Variants in PACS2 observed in about 807,000 individuals in gnomAD.
PACS2 encodes phosphofurin acidic cluster sorting protein 2, also known as PACS1-like protein.
A neutral mutation model predicts 113.0 loss-of-function variants in PACS2; 36 were observed. The ratio of observed to expected loss-of-function variants is 0.32; its 90% CI spans 0.24 to 0.42. The LOEUF is 0.42. Ranked by LOEUF, PACS2 falls within the 10% of genes least tolerant of loss-of-function variation. PACS2 has a pLI of 1.00. For synonymous variants in PACS2, 589 were observed against 536.1 expected, an observed-to-expected ratio of 1.10 and a Z score of -1.36; for missense variants, 1,015 against 1,239.5, an observed-to-expected ratio of 0.82 and a Z score of 2.72.
At chr14:105,379,972 C>A in intron 10 of PACS2, 108 bp from the exon 11 acceptor site, 2 of 1,303,716 alleles carry the variant, frequency 1.5e-6, no homozygotes, top group South Asian at 2.5e-5. Flanking sequence ...CAGCACACTG[C>A]CACGCAGGTA....
At position 105,396,537 on chromosome 14, in the gene PACS2, G is replaced by C. The variant is rs1253965899; in HGVS notation, c.*1865G>C. 1.6e-5 allele frequency: 2 copies of C among 123,566 alleles called. No homozygotes were observed. Among genetic ancestry groups the C allele is most frequent in the African/African-American group, 6.5e-5 (2 of 30,790 alleles). 7.7% of individuals were successfully genotyped at this position (123,566 alleles called of 1,614,324 possible). On this transcript the variant is annotated 3_prime_UTR_variant, in exon 25 of 25. Transcript: ENST00000447393. ...TTTTTTTGAGATGGAGTCTTGCTCT[G>C]TTGCCCAGGCTGGAGTGCAGTGGCA...
upstream of PACS2, among the ~76,000 whole-genome samples, chr14:105,309,776 CTTT>C (rs928875653): frequency 0.014 from 1,209 of 89,166 alleles, 29 homozygotes; most frequent in African/African-American, 0.06. This position sits in a 1 kb window ranked among gnomAD's most constrained non-coding sequence, Gnocchi z 4.0. Flanking sequence ...TGATGTGTGT[CTTT>C]TTTTTTTTTT....
chr14:105,384,371 G>T lies in PACS2; in HGVS notation c.1799G>T (p.Arg600Met). ...VIPLGSHPVA[R>M]YLGSVDYRYN... Reference sequence around the variant, plus strand: ...CATGCAGGCTCCCACCCCGTGGCCAGGTACCTAGGCTCCGTGGACTACCGC... The same window carrying T: ...CATGCAGGCTCCCACCCCGTGGCCATGTACCTAGGCTCCGTGGACTACCGC... The change falls in exon 17 of 25, where the codon AGG (arginine) becomes ATG (methionine). Residue 600 changes from arginine to methionine, a missense_variant. By Grantham distance (91) the Arg-to-Met change is moderately conservative (BLOSUM62 -1). Around this residue, in one of 3 missense-constraint regions of PACS2, gnomAD observed 859 missense variants for 1,056.8 expected, o/e 0.81. Coordinates refer to ENST00000447393, the MANE Select transcript of PACS2 (RefSeq NM_001100913.3). 6.2e-7 allele frequency: 1 copy of T among 1,611,070 alleles called. No individual in the cohort carries two copies.
chr14:105,353,374 GC>G (rs1316513343), intron 3 of PACS2, among the ~76,000 whole-genome samples: 57 of 132,458 alleles, frequency 4.3e-4, no homozygotes, highest in African/African-American at 1.7e-3. Context: ...TGGGGTGATG[GC>G]CCCCCCTCAT....
At position 105,370,294 on chromosome 14, in the gene PACS2, TG is replaced by T. The variant is rs587773556; in HGVS notation, c.801+397del. 175 of 73,710 alleles carry T rather than the reference TG, an allele frequency of 2.4e-3. 3 individuals are homozygous for T. Among genetic ancestry groups the T allele is most frequent in the East Asian group, 0.022 (52 of 2,404 alleles). The allele number at this position is 73,710 out of a possible 1,614,324, so 4.6% of individuals were successfully genotyped here. A position where few individuals can be genotyped will look rare whatever the true frequency, so the allele number is the denominator to read the frequency against. ...ACCTGACAGCCCCCCACTATTGACA[TG>T]GGCCCCCCCTCCCCACCTGACAGCC... On this transcript the variant is annotated intron_variant, in intron 8 of 24. Transcript: ENST00000447393.
chr14:105,348,482 T>A lies in PACS2; in HGVS notation c.120-11T>A. On this transcript the variant is annotated splice_polypyrimidine_tract_variant and intron_variant, in intron 1 of 24. Transcript: ENST00000447393. This position sits in a 1 kb window ranked among gnomAD's most constrained non-coding sequence, Gnocchi z 6.4. ...CGGAGCCCCGAGGCTGAGCTGTGCCTTGCCTCACAGGTTGTGCAGCCTGAC... is the reference window on the plus strand; with the variant it reads ...CGGAGCCCCGAGGCTGAGCTGTGCCATGCCTCACAGGTTGTGCAGCCTGAC... 1 of 1,603,004 alleles carries A rather than the reference T, an allele frequency of 6.2e-7. No individual in the cohort carries two copies. The highest frequency in any genetic ancestry group is 8.5e-7 in the Non-Finnish European group (1 of 1,171,914).
intron 5 of PACS2, 82 bp downstream of exon 5, chr14:105,367,457 T>TGGCTTAAG: frequency 2.4e-5 from 34 of 1,406,890 alleles, no homozygotes; most frequent in Non-Finnish European, 3.4e-5. Flanking sequence ...TGGCAGAAAC[T>TGGCTTAAG]GTCCAGCCTG....
intron 7 of PACS2, among the ~76,000 whole-genome samples, chr14:105,368,808 C>T (rs2061045603): frequency 6.6e-6 from 1 of 152,260 alleles, no homozygotes; most frequent in Admixed American, 6.5e-5. Context: ...CTGCCAGGCT[C>T]ACTCCATGTG....
intron 1 of PACS2, among the ~76,000 whole-genome samples, chr14:105,306,130 C>A (rs1290192081): frequency 6.6e-6 from 1 of 152,168 alleles, no homozygotes; most frequent in Non-Finnish European, 1.5e-5. Flanking sequence ...CTGAACTGAA[C>A]GTGCTCGTAA....
chr14:105,369,754 GGGTGC>G (rs1205184147), intron 7 of PACS2, 82 bp from the exon 8 acceptor site: 16 of 1,191,588 alleles, frequency 1.3e-5, no homozygotes, highest in Non-Finnish European at 1.9e-5. Context: ...CGGCGGGCCT[GGGTGC>G]GGCCTGGGCC....
intron 18 of PACS2, among the ~76,000 whole-genome samples, chr14:105,385,390 G>A (rs1028392717): frequency 5.3e-5 from 8 of 152,180 alleles, no homozygotes; most frequent in South Asian, 2.1e-4. Context: ...TGATCAGCTC[G>A]TGTCCTCACC....
At chr14:105,388,266 C>T (rs933082369) in intron 19 of PACS2, among the ~76,000 whole-genome samples, 3 of 152,244 alleles carry the variant, frequency 2.0e-5, no homozygotes, top group African/African-American at 4.8e-5. Context: ...TGCCAGCCGC[C>T]GTCTCCTCAC....
At position 105,364,668 on chromosome 14, in the gene PACS2, G is replaced by A. The variant is rs1483828113; in HGVS notation, c.424-2545G>A. Among the ~76,000 whole-genome samples the A allele has an allele frequency of 2.7e-5, 4 of 150,716 alleles. No homozygotes were observed. In the East Asian group the frequency reaches 7.7e-4, roughly 29 times the overall value. The stretch of plus-strand genomic sequence containing the variant: ...TTTATTGTAGTATTTGTACAATTAA[G>A]TGTGACATCCTGAGCAATTTTCTTT... On this transcript the variant is annotated intron_variant, in intron 4 of 24. Transcript: ENST00000447393.
At chr14:105,316,623 G>A (rs1436733534) in intron 1 of PACS2, among the ~76,000 whole-genome samples, 1 of 152,202 alleles carries the variant, frequency 6.6e-6, no homozygotes, top group East Asian at 1.9e-4. Context: ...GGAGGGGCCG[G>A]GGGCCTTATC....
chr14:105,301,835 G>T lies in PACS2; in HGVS notation c.-83+856G>T, dbSNP rs143189898. Among the ~76,000 whole-genome samples, 32 of 152,320 alleles carry T rather than the reference G, an allele frequency of 2.1e-4. 1 individual carries two copies. The highest frequency in any genetic ancestry group is 7.7e-4 in the African/African-American group (32 of 41,580). ...TAGGGCCGGTGACATACCCAGGAATGAGCCTAAAAAGAAATGCGTAACCAG... is the reference window on the plus strand; with the variant it reads ...TAGGGCCGGTGACATACCCAGGAATTAGCCTAAAAAGAAATGCGTAACCAG... On this transcript the variant is annotated intron_variant, in intron 1 of 23. Transcript: ENST00000430725.
In PACS2 at chr14:105,376,280, C is replaced by T. The variant is rs916261911; in HGVS notation, c.802-488C>T. On this transcript the variant is annotated intron_variant, in intron 8 of 24. Transcript: ENST00000447393. The surrounding 1 kb of genome is among the most constrained non-coding windows in gnomAD (Gnocchi z 4.7). Reference sequence around the variant, plus strand: ...GATGACGCCCTCCTCCCCCCGCCACCGAGAGCTGCAGGCCACATGATTCCT... The same window carrying T: ...GATGACGCCCTCCTCCCCCCGCCACTGAGAGCTGCAGGCCACATGATTCCT... Among the ~76,000 whole-genome samples the T allele has an allele frequency of 2.6e-5, 4 of 151,896 alleles. No individual in the cohort carries two copies. Among genetic ancestry groups the T allele is most frequent in the African/African-American group, 7.3e-5 (3 of 41,274 alleles).
rs797032088 is a variant in PACS2, at chr14:105,354,125, CACTT to C, written c.298-923_298-920del. On this transcript the variant is annotated intron_variant, in intron 3 of 24. Transcript: ENST00000447393. The surrounding 1 kb of genome is among the most constrained non-coding windows in gnomAD (Gnocchi z 4.2). The stretch of plus-strand genomic sequence containing the variant: ...GAATATAATAACGAGGGCAAAAAAA[CACTT>C]ACTGAGTCAAGGCTATTTTGCTCTT... 8.9e-4 allele frequency among the ~76,000 whole-genome samples: 135 copies of C among 152,112 alleles called. 1 individual carries two copies. The highest frequency in any genetic ancestry group is 3.2e-3 in the African/African-American group (131 of 41,506).
At chr14:105,325,492 G>A (rs918245747) in intron 1 of PACS2, among the ~76,000 whole-genome samples, 1 of 152,126 alleles carries the variant, frequency 6.6e-6, no homozygotes, top group Non-Finnish European at 1.5e-5. Flanking sequence ...GCTGTGTCTC[G>A]CATTTCTGTC....
intron 8 of PACS2, chr14:105,372,378 G>T (rs1286818351): frequency 1.1e-4 from 17 of 152,172 alleles, no homozygotes; most frequent in Admixed American, 1.0e-3. Flanking sequence ...AAAAACTGAG[G>T]CTTGACAATG....
Sources: gnomAD v4.1 joint callset for allele counts (sites outside exome capture counted in the v4.1 genomes callset) on GRCh38, gnomAD v4.1.1 for gene constraint, gnomAD v4.1.1 regional missense constraint, Gnocchi (gnomAD v3.1) non-coding constraint, MANE v1.5 for transcripts, NCBI Gene and HGNC (gene_info 2026-07-23, HGNC 2026-07-21) for gene names.